DDX5: variants seen among roughly 807,000 people sequenced by gnomAD.
The protein encoded by DDX5 is probable ATP-dependent RNA helicase DDX5.
DDX5 carries 6 observed loss-of-function variants against 68.6 expected under a neutral mutation model. The observed-to-expected ratio is 0.09, with a 90% CI of 0.05 to 0.17. The LOEUF (loss-of-function observed/expected upper bound fraction) is 0.17. Among genes scored for constraint, DDX5 ranks in the 10% least tolerant of loss-of-function variants. DDX5 has a pLI of 1.00. For synonymous variants in DDX5, 350 were observed against 247.0 expected, an observed-to-expected ratio of 1.42 and a Z score of -3.91; for missense variants, 499 against 756.1, an observed-to-expected ratio of 0.66 and a Z score of 3.99.
intron 1 of DDX5, chr17:64,505,480 G>T (rs1228971646): frequency 1.8e-6 from 1 of 570,262 alleles, no homozygotes; most frequent in East Asian, 2.9e-5. Context: ...GCCGGGCGGC[G>T]TTCCCGCTGG....
chr17:64,503,104 G>C lies in DDX5; in HGVS notation c.811-6C>G. 1 of 1,611,844 alleles carries C rather than the reference G, an allele frequency of 6.2e-7. No homozygotes were observed. Among genetic ancestry groups the C allele is most frequent in the South Asian group, 1.1e-5 (1 of 90,952 alleles). On this transcript the variant is annotated splice_region_variant and splice_polypyrimidine_tract_variant and intron_variant, in intron 7 of 12. Transcript: ENST00000225792. ...ATTAGAGTTTGCCTATCAGGCTAAT[G>C]GATTTTGGGGGGAAAAATTAGTATC...
In DDX5 at chr17:64,499,505, ACAGT is replaced by A. The variant is rs1555670529; in HGVS notation, c.*414_*417del. ...TGCCTCCCAAATTAAATAAAAAGGA[ACAGT>A]CATTTGTTTTCATGGAAAAAAAAAA... On this transcript the variant is annotated 3_prime_UTR_variant, in exon 13 of 13. Coordinates refer to ENST00000225792, the MANE Select transcript of DDX5 (RefSeq NM_004396.5). The A allele has an allele frequency of 4.5e-6, 1 of 222,942 alleles. No individual in the cohort carries two copies. The highest frequency in any genetic ancestry group is 2.3e-5 in the African/African-American group (1 of 42,818). The allele number at this position is 222,942 out of a possible 1,614,324, so 13.8% of individuals were successfully genotyped here. A position where few individuals can be genotyped will look rare whatever the true frequency, so the allele number is the denominator to read the frequency against.
At chr17:64,502,848 C>A in intron 8 of DDX5, 78 bp downstream of exon 8, 1 of 1,398,526 alleles carries the variant, frequency 7.2e-7, no homozygotes, top group Non-Finnish European at 9.6e-7. Context: ...TAACCTAAAA[C>A]AACTCACCAA....
At chr17:64,503,949 T>G in intron 4 of DDX5, 34 bp downstream of exon 4, 2 of 1,614,092 alleles carry the variant, frequency 1.2e-6, no homozygotes, top group South Asian at 2.2e-5. Flanking sequence ...TTCTTGCATA[T>G]ATCAGATCAA....
intron 1 of DDX5, chr17:64,505,151 T>C: frequency 3.2e-6 from 1 of 312,516 alleles, no homozygotes; most frequent in East Asian, 5.9e-5. Flanking sequence ...ACACCACTTC[T>C]TGTGGTTACT....
At chr17:64,503,759 C>T in intron 5 of DDX5, 44 bp downstream of exon 5, 1 of 1,586,914 alleles carries the variant, frequency 6.3e-7, no homozygotes, top group Non-Finnish European at 8.6e-7. Context: ...AGTCTAAAAT[C>T]TACACATTAT....
chr17:64,506,408 G>C, upstream of DDX5: 3 of 1,389,164 alleles, frequency 2.2e-6, no homozygotes, highest in South Asian at 1.5e-5. Context: ...CGCAACGCCC[G>C]CTGGCGTTCC....
At chr17:64,502,805 T>TA in intron 8 of DDX5, 121 bp downstream of exon 8, 1 of 1,020,550 alleles carries the variant, frequency 9.8e-7, no homozygotes, top group Non-Finnish European at 1.4e-6. Context: ...TCAGGATTAG[T>TA]AGGCTAACTA....
intron 6 of DDX5, 30 bp downstream of exon 6, chr17:64,503,400 A>G: frequency 6.2e-7 from 1 of 1,614,042 alleles, no homozygotes; most frequent in Non-Finnish European, 8.5e-7. Context: ...TTTAGCACCA[A>G]TGACAAATAA....
chr17:64,506,399 G>C, upstream of DDX5: 2 of 1,396,480 alleles, frequency 1.4e-6, no homozygotes, highest in South Asian at 3.0e-5. Flanking sequence ...CGCATAGGCC[G>C]CAACGCCCGC....
intron 2 of DDX5, 40 bp downstream of exon 2, chr17:64,504,637 A>G: frequency 6.4e-7 from 1 of 1,559,078 alleles, no homozygotes; most frequent in Non-Finnish European, 8.6e-7. Flanking sequence ...AGAATCCACG[A>G]TCGAGTTACA....
intron 1 of DDX5, 51 bp downstream of exon 1, chr17:64,506,025 C>CCCCCCCCCCCCCCCCCCCCCCCA: frequency 6.7e-7 from 1 of 1,500,974 alleles, no homozygotes. Flanking sequence ...CCCTGACCCG[C>CCCCCCCCCCCCCCCCCCCCCCCA]CCTCCCATCC....
At chr17:64,506,804 G>A, upstream of DDX5, 1 of 569,268 alleles carries the variant, frequency 1.8e-6, no homozygotes, top group South Asian at 2.0e-5. Context: ...GCCGGCTGAT[G>A]TGGACCGTCC....
chr17:64,503,628 A>G, intron 5 of DDX5, 57 bp from the exon 6 acceptor site: 2 of 1,596,064 alleles, frequency 1.3e-6, no homozygotes, highest in Non-Finnish European at 1.7e-6. Context: ...TAAACTGCTA[A>G]CTTATTATAC....
In DDX5 at chr17:64,503,069, C is replaced by A; in HGVS notation, c.840G>T (p.Ala280=). Residue 280 remains alanine, a synonymous_variant, in exon 8 of 13, where the codon GCG becomes GCT. Coordinates refer to ENST00000225792, the MANE Select transcript of DDX5 (RefSeq NM_004396.5). The part of the protein sequence containing the change: ...RPDRQTLMWS[A]TWPKEVRQLA... ...GCTGTCTTACTTCTTTTGGCCAAGT[C>A]GCACTCCACATTAGAGTTTGCCTAT... The A allele has an allele frequency of 6.2e-7, 1 of 1,613,808 alleles. No individual in the cohort carries two copies. The highest frequency in any genetic ancestry group is 8.5e-7 in the Non-Finnish European group (1 of 1,179,866).
upstream of DDX5, chr17:64,506,777 C>T (rs1039057654): frequency 3.4e-5 from 18 of 528,888 alleles, no homozygotes; most frequent in Admixed American, 1.7e-4. Context: ...GCTCGCACCC[C>T]GGGACCCGCC....
chr17:64,506,468 C>T (rs2038531582), upstream of DDX5: 2 of 1,183,548 alleles, frequency 1.7e-6, no homozygotes, highest in African/African-American at 3.1e-5. Context: ...CAGGTCAGGG[C>T]CCACCCACCA....
Position 64,502,580 on chromosome 17 carries a change from TGAGTTTTAA to T in DDX5, c.984-40_984-32del, listed in dbSNP as rs1568102569. ...AATAGGAGAGAGAAAGGAAAAATCC[TGAGTTTTAA>T]AAGACCATTGCTAGGGCCACACATT... On this transcript the variant is annotated intron_variant, in intron 8 of 12. Coordinates refer to ENST00000225792, the MANE Select transcript of DDX5 (RefSeq NM_004396.5). 2.0e-6 allele frequency: 3 copies of T among 1,527,456 alleles called. No homozygotes were observed. In the East Asian group the frequency reaches 6.7e-5, roughly 34 times the overall value. The allele number at this position is 1,527,456 out of a possible 1,614,324, so 94.6% of individuals were successfully genotyped here. A position where few individuals can be genotyped will look rare whatever the true frequency, so the allele number is the denominator to read the frequency against.
intron 1 of DDX5, 57 bp downstream of exon 1, chr17:64,506,019 G>GTGCCCCCCCCCCCAC: frequency 7.4e-7 from 1 of 1,360,424 alleles, no homozygotes; most frequent in Non-Finnish European, 1.0e-6. Context: ...CCGCCACCCT[G>GTGCCCCCCCCCCCAC]ACCCGCCCTC....
Sources: allele counts gnomAD v4.1 joint callset, GRCh38; gene constraint gnomAD v4.1.1; transcripts MANE v1.5; gene names NCBI Gene and HGNC (gene_info 2026-07-23, HGNC 2026-07-21).